Variants in ADGRG7 observed in about 807,000 individuals in gnomAD.
ADGRG7 encodes adhesion G protein-coupled receptor G7.
Under a neutral mutation model 88.6 loss-of-function variants are expected in ADGRG7, and 82 were observed. That is an observed-to-expected ratio of 0.93 (90% CI 0.77 to 1.11). The LOEUF is 1.11. Ranked by LOEUF, ADGRG7 falls within the 50% of genes most tolerant of loss-of-function variation. The probability of loss-of-function intolerance (pLI) is 0.00; values close to 1 mark genes in which losing one functional copy is unlikely to be tolerated. For missense variants in ADGRG7, 945 were observed against 953.4 expected, an observed-to-expected ratio of 0.99 and a Z score of 0.12; for synonymous variants, 381 against 345.2, an observed-to-expected ratio of 1.10 and a Z score of -1.15.
intron 15 of ADGRG7, among the ~76,000 whole-genome samples, chr3:100,670,765 C>T (rs968870128): frequency 3.9e-5 from 6 of 151,936 alleles, no homozygotes; most frequent in African/African-American, 1.5e-4. Flanking sequence ...CCTGTGTCCA[C>T]GTGTTCTCAT....
intron 6 of ADGRG7, among the ~76,000 whole-genome samples, chr3:100,643,015 A>G (rs969304966): frequency 6.6e-6 from 1 of 152,240 alleles, no homozygotes; most frequent in African/African-American, 2.4e-5. Context: ...ATAATTCTTG[A>G]GTTCTACCTT....
At chr3:100,675,023 G>A (rs2094963279) in intron 15 of ADGRG7, among the ~76,000 whole-genome samples, 1 of 151,830 alleles carries the variant, frequency 6.6e-6, no homozygotes, top group African/African-American at 2.4e-5. Context: ...CCAAATGTAA[G>A]ATCATATCAT....
intron 11 of ADGRG7, chr3:100,654,060 T>C (rs753423427): frequency 1.3e-5 from 2 of 152,140 alleles, no homozygotes; most frequent in Non-Finnish European, 2.9e-5. Context: ...TCCGTGCAGA[T>C]TGAATCCACG....
intron 5 of ADGRG7, among the ~76,000 whole-genome samples, chr3:100,636,121 C>A (rs1398389317): frequency 6.6e-6 from 1 of 152,146 alleles, no homozygotes; most frequent in African/African-American, 2.4e-5. Flanking sequence ...GTGGCACGAT[C>A]TTAAGTCACT....
At chr3:100,651,750 C>T (rs1455686417) in intron 11 of ADGRG7, among the ~76,000 whole-genome samples, 1 of 151,772 alleles carries the variant, frequency 6.6e-6, no homozygotes, top group Non-Finnish European at 1.5e-5. Context: ...ATTTTAAAAT[C>T]CTGAATTATA....
intron 15 of ADGRG7, among the ~76,000 whole-genome samples, chr3:100,688,105 G>T (rs1461082286): frequency 6.6e-6 from 1 of 152,088 alleles, no homozygotes; most frequent in Non-Finnish European, 1.5e-5. Context: ...TTTAGTCTTG[G>T]GAGAGTGTAT....
At chr3:100,647,464 GT>G (rs1707774181) in intron 10 of ADGRG7, among the ~76,000 whole-genome samples, 2 of 152,138 alleles carry the variant, frequency 1.3e-5, no homozygotes, top group Admixed American at 6.5e-5. Context: ...AATTGCTCAG[GT>G]TACTAAGTTT....
At chr3:100,614,719 C>T (rs1265186201) in intron 1 of ADGRG7, among the ~76,000 whole-genome samples, 1 of 152,130 alleles carries the variant, frequency 6.6e-6, no homozygotes, top group Non-Finnish European at 1.5e-5. Flanking sequence ...TATTTCCCTA[C>T]TTATTAAAAT....
intron 8 of ADGRG7, among the ~76,000 whole-genome samples, chr3:100,645,608 C>G (rs1468088908): frequency 2.0e-5 from 3 of 152,174 alleles, no homozygotes; most frequent in South Asian, 2.1e-4. Context: ...TGTGTTCACT[C>G]TCTCCATCTC....
chr3:100,633,211 G>T lies in ADGRG7; in HGVS notation c.335-54G>T, dbSNP rs989024420. 6 of 826,546 alleles carry T rather than the reference G, an allele frequency of 7.3e-6. No homozygotes were observed. In the African/African-American group the frequency reaches 1.1e-4, roughly 15 times the overall value. The allele number at this position is 826,546 out of a possible 1,614,324, so 51.2% of individuals were successfully genotyped here. On this transcript the variant is annotated intron_variant, in intron 3 of 15. Transcript: ENST00000273352. ...AATTAGTTATTGCCTAAAAATAATA[G>T]GCAATAATTTTAATAAATACTTATT...
chr3:100,675,595 T>C (rs895695037), intron 15 of ADGRG7, among the ~76,000 whole-genome samples: 1 of 152,158 alleles, frequency 6.6e-6, no homozygotes, highest in Non-Finnish European at 1.5e-5. Context: ...TTTTCTGGTT[T>C]TGGCACCAGG....
intron 1 of ADGRG7, among the ~76,000 whole-genome samples, chr3:100,618,530 T>C (rs887632539): frequency 6.6e-5 from 10 of 152,196 alleles, no homozygotes; most frequent in Non-Finnish European, 1.2e-4. Context: ...TGGTTGTAGA[T>C]ATGAGGCATC....
At chr3:100,682,746 C>T (rs1225639740) in intron 15 of ADGRG7, among the ~76,000 whole-genome samples, 2 of 152,194 alleles carry the variant, frequency 1.3e-5, no homozygotes, top group Non-Finnish European at 2.9e-5. Context: ...TGTGAGGAGG[C>T]ACGGCCAGGG....
At chr3:100,638,341 C>A (rs1225163884) in intron 6 of ADGRG7, among the ~76,000 whole-genome samples, 1 of 152,168 alleles carries the variant, frequency 6.6e-6, no homozygotes, top group African/African-American at 2.4e-5. Context: ...GTGGGAAGGG[C>A]AGGTTGCTCT....
At chr3:100,638,434 C>A (rs1707583128) in intron 6 of ADGRG7, among the ~76,000 whole-genome samples, 1 of 152,194 alleles carries the variant, frequency 6.6e-6, no homozygotes, top group Non-Finnish European at 1.5e-5. Context: ...GACACCTCTT[C>A]CTGACATCCA....
At chr3:100,640,776 C>T (rs886924458) in intron 6 of ADGRG7, among the ~76,000 whole-genome samples, 1 of 152,160 alleles carries the variant, frequency 6.6e-6, no homozygotes, top group Non-Finnish European at 1.5e-5. Context: ...CCTGCTTTGG[C>T]CTCCTAGACT....
At chr3:100,630,296 T>C (rs1707442501) in intron 2 of ADGRG7, among the ~76,000 whole-genome samples, 1 of 152,178 alleles carries the variant, frequency 6.6e-6, no homozygotes, top group Non-Finnish European at 1.5e-5. Context: ...AGATATCCAC[T>C]GCTATCATTT....
chr3:100,673,526 A>G (rs2094961326), intron 15 of ADGRG7, among the ~76,000 whole-genome samples: 1 of 148,778 alleles, frequency 6.7e-6, no homozygotes, highest in South Asian at 2.1e-4. Context: ...CAATGGTGTG[A>G]TCTCAGCTCA....
chr3:100,611,280 CTTCCTTCCTTCCTTCCTTCCTTTCTTCT>C (rs1559666854), intron 1 of ADGRG7, among the ~76,000 whole-genome samples: 11 of 143,698 alleles, frequency 7.7e-5, no homozygotes, highest in African/African-American at 2.8e-4. Context: ...TCCTTCCTTC[CTTCCTTCCTTCCTTCCTTCCTTTCTTCT>C]TTCCTTCCTT....
Sources: allele counts gnomAD v4.1 joint callset (sites outside exome capture counted in the v4.1 genomes callset), GRCh38; gene constraint gnomAD v4.1.1; transcripts MANE v1.5; gene names NCBI Gene and HGNC (gene_info 2026-07-23, HGNC 2026-07-21).